Variants in TRERF1 observed in about 807,000 individuals in gnomAD.
TRERF1 encodes transcriptional-regulating factor 1.
TRERF1 carries 27 observed loss-of-function variants against 122.9 expected under a neutral mutation model. That is an observed-to-expected ratio of 0.22 (90% confidence interval 0.16 to 0.30). TRERF1 has a LOEUF of 0.30. TRERF1 is among the 10% of genes least tolerant of loss of function. The pLI is 1.00. For synonymous variants in TRERF1, 636 were observed against 641.7 expected (o/e 0.99, Z 0.13); for missense variants, 1,248 against 1,560.3 (o/e 0.80, Z 3.37).
intron 2 of TRERF1, among the ~76,000 whole-genome samples, chr6:42,373,809 C>T (rs1368969273): frequency 7.2e-6 from 1 of 138,942 alleles, no homozygotes; most frequent in Admixed American, 7.3e-5. Context: ...CCAGCCTGGG[C>T]AACAAGAGCA....
At chr6:42,374,668 C>A (rs143764844) in intron 2 of TRERF1, among the ~76,000 whole-genome samples, 190 of 152,268 alleles carry the variant, frequency 1.2e-3, no homozygotes, top group African/African-American at 4.2e-3. Context: ...TACCCTCACC[C>A]CCTACCATCT....
At chr6:42,302,555 T>C (rs1331256993) in intron 3 of TRERF1, among the ~76,000 whole-genome samples, 1 of 152,276 alleles carries the variant, frequency 6.6e-6, no homozygotes, top group Non-Finnish European at 1.5e-5. Context: ...ATTTTGGAGT[T>C]TGTTGCTCAT....
intron 2 of TRERF1, among the ~76,000 whole-genome samples, chr6:42,440,628 G>A (rs537592627): frequency 6.6e-6 from 1 of 152,118 alleles, no homozygotes; most frequent in Non-Finnish European, 1.5e-5. Context: ...GCTCTGGGAG[G>A]TAAAAGATAT....
chr6:42,290,830 T>C (rs1029700928), intron 4 of TRERF1, among the ~76,000 whole-genome samples: 3 of 142,912 alleles, frequency 2.1e-5, no homozygotes, highest in African/African-American at 7.9e-5. Flanking sequence ...AAATCAGTGC[T>C]GGGATGTGGG....
At chr6:42,235,633 CT>C (rs926667518) in intron 16 of TRERF1, among the ~76,000 whole-genome samples, 17 of 152,024 alleles carry the variant, frequency 1.1e-4, no homozygotes, top group Admixed American at 4.6e-4. Flanking sequence ...TTTAGTAAAT[CT>C]TTTTTTTCTC....
chr6:42,247,980 T>C (rs1471925307), intron 13 of TRERF1, among the ~76,000 whole-genome samples: 7 of 152,156 alleles, frequency 4.6e-5, no homozygotes, highest in African/African-American at 9.7e-5. Flanking sequence ...ATAATATCTT[T>C]CCTCCCATTC....
At chr6:42,237,817 AT>A (rs1247438525) in intron 15 of TRERF1, among the ~76,000 whole-genome samples, 1 of 152,230 alleles carries the variant, frequency 6.6e-6, no homozygotes, top group Non-Finnish European at 1.5e-5. Context: ...GCCAGTATGT[AT>A]GTGGCATTTA....
intron 3 of TRERF1, among the ~76,000 whole-genome samples, chr6:42,330,067 A>T: frequency 6.6e-6 from 1 of 152,124 alleles, no homozygotes; most frequent in Non-Finnish European, 1.5e-5. Flanking sequence ...AAAACGAAAA[A>T]ATTAATTTCC....
intron 2 of TRERF1, among the ~76,000 whole-genome samples, chr6:42,397,709 C>G (rs943844690): frequency 6.6e-5 from 10 of 152,184 alleles, no homozygotes; most frequent in Non-Finnish European, 1.5e-4. Flanking sequence ...AGCTCAGAAG[C>G]TTGTCTCCAT....
Position 42,259,635 on chromosome 6 carries a change from G to A in TRERF1, c.1973C>T (p.Pro658Leu). ...CGGCGGCGGGATGAAGAGAGGTTCC[G>A]GCCGGTGCCGGAACTTTTTCTTCTC... The change falls in exon 9 of 18, where the codon CCG becomes CTG. Residue 658 changes from proline to leucine, a missense_variant. Coordinates refer to ENST00000372922, the Ensembl canonical transcript of TRERF1. The surrounding 1 kb of genome is among the most constrained non-coding windows in gnomAD (Gnocchi z 4.9). The A allele has an allele frequency of 1.2e-6, 2 of 1,613,198 alleles. No individual in the cohort carries two copies. Among genetic ancestry groups the A allele is most frequent in the South Asian group, 2.2e-5 (2 of 91,076 alleles).
In TRERF1 at chr6:42,318,434, C is replaced by T. The variant is rs1404759817; in HGVS notation, c.-370-17685G>A. Among the ~76,000 whole-genome samples the T allele has an allele frequency of 2.6e-5, 4 of 152,196 alleles. No homozygotes were observed. The East Asian group carries it at 7.7e-4, about 29-fold the overall frequency. ...CTTTTCTACAGTCTTGGGATCTCTA[C>T]ACTTCACTTGGTGGAGGGTCATATT... On this transcript the variant is annotated intron_variant, in intron 3 of 17. Transcript: ENST00000372922.
Position 42,268,746 on chromosome 6 carries a change from C to T in TRERF1, c.845G>A (p.Arg282His), listed in dbSNP as rs147382652. ...CGTCTGTATTTCTTGCATGGAGATA[C>T]GCTGTTGCCCGGCTTGCTGCTGTTG... Residue 282 changes from arginine to histidine, a missense_variant, in exon 5 of 18, where the codon CGT becomes CAT. Physicochemically the swap from Arg to His is conservative, Grantham distance 29 (BLOSUM62 0). Around this residue, in one of 5 missense-constraint regions of TRERF1, gnomAD observed 946 missense variants for 1,073.0 expected, o/e 0.88. Transcript: ENST00000372922. This position sits in a 1 kb window ranked among gnomAD's most constrained non-coding sequence, Gnocchi z 4.4. The T allele has an allele frequency of 2.1e-5, 34 of 1,614,122 alleles. 1 individual carries two copies. The highest frequency in any genetic ancestry group is 4.0e-5 in the African/African-American group (3 of 75,004).
chr6:42,441,084 A>G (rs6913001), intron 2 of TRERF1, among the ~76,000 whole-genome samples: 60,630 of 151,872 alleles, frequency 0.4, 12,970 homozygotes, highest in East Asian at 0.7. Flanking sequence ...TCCCCTCCCC[A>G]ACTCGAGCTC....
At chr6:42,301,014 GAGAC>G (rs3074802) in intron 3 of TRERF1, among the ~76,000 whole-genome samples, 2,989 of 151,896 alleles carry the variant, frequency 0.02, 106 homozygotes, top group African/African-American at 0.066. Context: ...GAGAGAGAGA[GAGAC>G]AGACAGACAG....
At chr6:42,438,084 G>A (rs562859110) in intron 2 of TRERF1, among the ~76,000 whole-genome samples, 2 of 151,786 alleles carry the variant, frequency 1.3e-5, no homozygotes, top group African/African-American at 4.8e-5. Flanking sequence ...ACCATACCTG[G>A]CTAATTTTTG....
intron 3 of TRERF1, among the ~76,000 whole-genome samples, chr6:42,303,904 TAAAAAA>T (rs60880174): frequency 1.4e-5 from 1 of 69,262 alleles, no homozygotes; most frequent in African/African-American, 6.1e-5. Flanking sequence ...CACTGTCTCA[TAAAAAA>T]AAAAAAAAAA....
chr6:42,337,536 C>T (rs984904991), intron 3 of TRERF1, among the ~76,000 whole-genome samples: 2 of 152,146 alleles, frequency 1.3e-5, no homozygotes, highest in South Asian at 2.1e-4. Context: ...GAGGCAGCCA[C>T]GCTCAAACCA....
At chr6:42,392,772 G>C (rs1203746211) in intron 2 of TRERF1, among the ~76,000 whole-genome samples, 2 of 152,148 alleles carry the variant, frequency 1.3e-5, no homozygotes, top group African/African-American at 2.4e-5. Flanking sequence ...TTACAGTCCA[G>C]CTGGGGGAAA....
intron 2 of TRERF1, among the ~76,000 whole-genome samples, chr6:42,418,218 C>CTTTTTTTTTT (rs34388801): frequency 3.2e-4 from 11 of 34,658 alleles, no homozygotes; most frequent in Non-Finnish European, 4.0e-4. Context: ...TTTTTCTTTC[C>CTTTTTTTTTT]TTTTTTTTTT....
Sources: gnomAD v4.1 joint callset for allele counts (sites outside exome capture counted in the v4.1 genomes callset) on GRCh38, gnomAD v4.1.1 for gene constraint, gnomAD v4.1.1 regional missense constraint, Gnocchi (gnomAD v3.1) non-coding constraint, MANE v1.5 for transcripts, NCBI Gene and HGNC (gene_info 2026-07-23, HGNC 2026-07-21) for gene names.